Variants in IQSEC1 observed in about 807,000 individuals in gnomAD.
IQSEC1 encodes the protein IQ motif and SEC7 domain-containing protein 1.
A neutral mutation model predicts 91.0 loss-of-function variants in IQSEC1; 31 were observed. The ratio of observed to expected loss-of-function variants is 0.34; its 90% CI spans 0.26 to 0.46. The LOEUF is 0.46. Among genes scored for constraint, IQSEC1 ranks in the 20% least tolerant of loss-of-function variants. IQSEC1 has a pLI of 1.00. For missense variants in IQSEC1, 1,388 were observed against 1,575.6 expected (o/e 0.88, Z 2.02); for synonymous variants, 699 against 662.6 (o/e 1.05, Z -0.84).
At chr3:13,148,293 C>A (rs1443565078) in intron 2 of IQSEC1, among the ~76,000 whole-genome samples, 2 of 152,072 alleles carry the variant, frequency 1.3e-5, no homozygotes, top group Admixed American at 1.3e-4. Flanking sequence ...AGGAGGGAGG[C>A]CTGGTACGGG....
chr3:13,260,413 A>G (rs931766100), intron 1 of IQSEC1, among the ~76,000 whole-genome samples: 4 of 152,216 alleles, frequency 2.6e-5, no homozygotes, highest in African/African-American at 9.6e-5. Flanking sequence ...CAACACCCCC[A>G]TTAATCCCTG....
intron 2 of IQSEC1, among the ~76,000 whole-genome samples, chr3:13,087,378 T>C (rs1484276068): frequency 6.6e-6 from 1 of 152,116 alleles, no homozygotes; most frequent in African/African-American, 2.4e-5. Flanking sequence ...CAGGAGAGGC[T>C]CTCGGTGCAG....
At chr3:13,208,793 C>T (rs952489417) in intron 1 of IQSEC1, among the ~76,000 whole-genome samples, 2 of 152,234 alleles carry the variant, frequency 1.3e-5, no homozygotes, top group African/African-American at 2.4e-5. Flanking sequence ...CCCAGGCTGC[C>T]CGCACTCACT....
chr3:13,246,446 C>T (rs977298729), intron 1 of IQSEC1, among the ~76,000 whole-genome samples: 4 of 152,118 alleles, frequency 2.6e-5, no homozygotes, highest in African/African-American at 4.8e-5. Flanking sequence ...GACGGTGGCA[C>T]ATCAGTGTGA....
Position 13,052,194 on chromosome 3 carries a change from GC to G in IQSEC1, c.23+20797del, listed in dbSNP as rs1205525922. ...CCAGGCTCTCCGGGCACCCTCTGTA[GC>G]CCCCTCACCTCTTCCCACCAGCCCT... is the stretch of plus-strand genomic sequence containing the variant. On this transcript the variant is annotated intron_variant, in intron 1 of 13. Transcript: ENST00000613206. Among the ~76,000 whole-genome samples the G allele has an allele frequency of 2.0e-5, 3 of 152,264 alleles. No homozygotes were observed. In the East Asian group the frequency reaches 5.8e-4, roughly 29 times the overall value.
chr3:12,920,740 C>T, intron 5 of IQSEC1, 144 bp from the exon 6 acceptor site: 1 of 838,172 alleles, frequency 1.2e-6, no homozygotes, highest in South Asian at 1.6e-5. Flanking sequence ...CGGAGTTGGC[C>T]CTGACTACTC....
chr3:12,913,144 A>C (rs1307988753), intron 9 of IQSEC1, among the ~76,000 whole-genome samples: 1 of 152,222 alleles, frequency 6.6e-6, no homozygotes, highest in African/African-American at 2.4e-5. Context: ...GGCCTGCCCG[A>C]GGAAGCGTCA....
At position 12,899,416 on chromosome 3, in the gene IQSEC1, G is replaced by C. The variant is rs200584672; in HGVS notation, c.*1567C>G. On this transcript the variant is annotated 3_prime_UTR_variant, in exon 14 of 14. Coordinates refer to ENST00000613206, the MANE Select transcript of IQSEC1 (RefSeq NM_001134382.3). ...TAGGAGCACAGCACTGACGGCTGCAGTGGCTCGAAAGGCTGAAACTACAAA... is the reference window on the plus strand; with the variant it reads ...TAGGAGCACAGCACTGACGGCTGCACTGGCTCGAAAGGCTGAAACTACAAA... 8 of 1,612,068 alleles carry C rather than the reference G, an allele frequency of 5.0e-6. No individual in the cohort carries two copies. The East Asian group carries it at 1.8e-4, about 36-fold the overall frequency.
chr3:13,268,199 C>T (rs951206828), intron 1 of IQSEC1, among the ~76,000 whole-genome samples: 3 of 152,214 alleles, frequency 2.0e-5, no homozygotes, highest in Admixed American at 6.5e-5. Flanking sequence ...CCACCAGACA[C>T]GAAGCAGGAT....
intron 2 of IQSEC1, among the ~76,000 whole-genome samples, chr3:13,145,685 C>T (rs1280560720): frequency 6.6e-6 from 1 of 152,132 alleles, no homozygotes; most frequent in East Asian, 1.9e-4. Context: ...CATCCAACCA[C>T]ACCCTGTCCC....
At chr3:12,962,164 G>A (rs992376339) in intron 1 of IQSEC1, among the ~76,000 whole-genome samples, 3 of 152,194 alleles carry the variant, frequency 2.0e-5, no homozygotes, top group Non-Finnish European at 4.4e-5. Flanking sequence ...TTTCTGAAAG[G>A]TTTCCTCTCT....
intron 1 of IQSEC1, among the ~76,000 whole-genome samples, chr3:13,239,052 G>A (rs1694978276): frequency 6.6e-6 from 1 of 152,172 alleles, no homozygotes; most frequent in African/African-American, 2.4e-5. Flanking sequence ...CCCCGAGGAT[G>A]CCCCCTGCTC....
At chr3:13,041,456 T>C (rs1421213240) in intron 1 of IQSEC1, among the ~76,000 whole-genome samples, 1 of 152,226 alleles carries the variant, frequency 6.6e-6, no homozygotes, top group Non-Finnish European at 1.5e-5. Flanking sequence ...ATTGCTCGTA[T>C]GCTAATGGCC....
chr3:13,075,460 G>A (rs760415790), upstream of IQSEC1, among the ~76,000 whole-genome samples: 7 of 152,186 alleles, frequency 4.6e-5, no homozygotes, highest in East Asian at 1.9e-4. Context: ...TTCCAGAGGC[G>A]GAAACAGGCT....
intron 1 of IQSEC1, among the ~76,000 whole-genome samples, chr3:12,975,143 G>A (rs1701102070): frequency 6.6e-6 from 1 of 152,236 alleles, no homozygotes; most frequent in Non-Finnish European, 1.5e-5. Context: ...CAGGCACACG[G>A]CAGCCCTTCA....
intron 2 of IQSEC1, among the ~76,000 whole-genome samples, chr3:13,092,248 G>C (rs563560905): frequency 2.6e-5 from 4 of 152,316 alleles, no homozygotes; most frequent in Non-Finnish European, 4.4e-5. Flanking sequence ...CGTATCACGG[G>C]GGTGTTTCCA....
In IQSEC1 at chr3:12,946,138, T is replaced by A. The variant is rs147705440; in HGVS notation, c.24-4273A>T. ...GATGGTCACATTTTACCAGCATACATGAGTCTCTAGGTGGGACTTTTGGGT... is the reference window on the plus strand; with the variant it reads ...GATGGTCACATTTTACCAGCATACAAGAGTCTCTAGGTGGGACTTTTGGGT... On this transcript the variant is annotated intron_variant, in intron 1 of 13. Transcript: ENST00000613206. 1.6e-4 allele frequency among the ~76,000 whole-genome samples: 25 copies of A among 152,302 alleles called. No homozygotes were observed. The East Asian group carries it at 4.4e-3, about 27-fold the overall frequency.
At chr3:13,154,865 GACCA>G (rs1253173529) in intron 2 of IQSEC1, among the ~76,000 whole-genome samples, 2 of 68,792 alleles carry the variant, frequency 2.9e-5, no homozygotes, top group East Asian at 1.9e-3. Flanking sequence ...CCCTCTTAAA[GACCA>G]ATAGGTCAAA....
intron 2 of IQSEC1, among the ~76,000 whole-genome samples, chr3:12,937,079 C>G (rs1287296280): frequency 1.3e-5 from 2 of 152,056 alleles, no homozygotes; most frequent in African/African-American, 2.4e-5. Flanking sequence ...ATTACAGACA[C>G]CCACCACCAC....
Sources: allele counts gnomAD v4.1 joint callset (sites outside exome capture counted in the v4.1 genomes callset), GRCh38; gene constraint gnomAD v4.1.1; transcripts MANE v1.5; gene names NCBI Gene and HGNC (gene_info 2026-07-23, HGNC 2026-07-21).